Variants in RRAGC observed in about 807,000 individuals in gnomAD.
RRAGC encodes Ras related GTP binding C.
Under a neutral mutation model 37.1 loss-of-function variants are expected in RRAGC, and 8 were observed. The ratio of observed to expected loss-of-function variants is 0.22; its 90% confidence interval spans 0.13 to 0.39. The LOEUF (loss-of-function observed/expected upper bound fraction) is 0.39. Ranked by LOEUF, RRAGC falls within the 10% of genes least tolerant of loss-of-function variation. RRAGC has a pLI of 1.00. For synonymous variants in RRAGC, 190 were observed against 181.1 expected, an observed-to-expected ratio of 1.05 and a Z score of -0.39; for missense variants, 342 against 497.6, an observed-to-expected ratio of 0.69 and a Z score of 2.98.
intron 6 of RRAGC, among the ~76,000 whole-genome samples, chr1:38,843,405 T>G (rs1014189529): frequency 1.3e-5 from 2 of 152,080 alleles, no homozygotes; most frequent in Non-Finnish European, 2.9e-5. Context: ...ACCCAAAAAT[T>G]TGTGTATATC....
At chr1:38,842,788 G>A (rs1421309004) in intron 6 of RRAGC, among the ~76,000 whole-genome samples, 1 of 152,060 alleles carries the variant, frequency 6.6e-6, no homozygotes, top group African/African-American at 2.4e-5. Context: ...AATAAAATGT[G>A]GTATAGTCAA....
chr1:38,842,845 G>A (rs1169828963), intron 6 of RRAGC, among the ~76,000 whole-genome samples: 4 of 152,284 alleles, frequency 2.6e-5, no homozygotes, highest in South Asian at 4.1e-4. Context: ...CTAGAACTAC[G>A]TGTCATCAAT....
At chr1:38,853,546 G>C (rs549698928) in intron 3 of RRAGC, among the ~76,000 whole-genome samples, 5 of 152,292 alleles carry the variant, frequency 3.3e-5, no homozygotes, top group African/African-American at 9.6e-5. Flanking sequence ...GGGAGTTCGA[G>C]ATCAGCCGGA....
rs1216874828 is a variant in RRAGC, at chr1:38,845,929, A to T, written c.1048+10T>A. 2.5e-6 allele frequency: 4 copies of T among 1,583,428 alleles called. No homozygotes were observed. In the African/African-American group the frequency reaches 5.5e-5, roughly 22 times the overall value. On this transcript the variant is annotated intron_variant, in intron 6 of 6. Transcript: ENST00000373001. ...ATTAACATAAAAACAGCTTTTTAAAATGCTATTACCTTTTCTTTCAAAGCT... is the reference window on the plus strand; with the variant it reads ...ATTAACATAAAAACAGCTTTTTAAATTGCTATTACCTTTTCTTTCAAAGCT...
chr1:38,852,417 G>T lies in RRAGC; in HGVS notation c.713C>A (p.Pro238Gln). 6.2e-7 allele frequency: 1 copy of T among 1,609,332 alleles called. No individual in the cohort carries two copies. The highest frequency in any genetic ancestry group is 8.5e-7 in the Non-Finnish European group (1 of 1,176,112). ...AFSKVVQKLI[P>Q]QLPTLENLLN... ...TAGGTTTTCCAAGGTCGGCAGTTGT[G>T]GAATGAGTTTCTGCACCACCTTACT... Residue 238 changes from proline (P) to glutamine (Q), a missense_variant, in exon 4 of 7, where the codon CCA becomes CAA. Around this residue, in one of 3 missense-constraint regions of RRAGC, gnomAD observed 134 missense variants for 277.2 expected, o/e 0.48. Transcript: ENST00000373001.
chr1:38,844,208 A>T (rs755112852), intron 6 of RRAGC, among the ~76,000 whole-genome samples: 20 of 152,168 alleles, frequency 1.3e-4, no homozygotes, highest in Non-Finnish European at 2.8e-4. Context: ...GAGAGTCACA[A>T]AACAGGGGAA....
intron 4 of RRAGC, 51 bp downstream of exon 4, chr1:38,852,323 C>T: frequency 2.0e-6 from 2 of 1,016,510 alleles, no homozygotes; most frequent in Non-Finnish European, 3.1e-6. Flanking sequence ...AATATATTCC[C>T]AAAAATGGAA....
chr1:38,856,648 C>T (rs1642170710), intron 2 of RRAGC: 3 of 394,372 alleles, frequency 7.6e-6, no homozygotes, highest in Admixed American at 8.4e-5. Flanking sequence ...GTTAGCTGCT[C>T]ATCAACTAGG....
Position 38,851,656 on chromosome 1 carries a change from A to G in RRAGC, c.858T>C (p.Cys286=). Residue 286 remains cysteine, a synonymous_variant, in exon 5 of 7, where the codon TGT becomes TGC. Coordinates refer to ENST00000373001, the MANE Select transcript of RRAGC (RefSeq NM_022157.4). ...CATCAATTACAACATCGATCATGTCACAGCAAAGTTCATAAGATTGCATAT... is the reference window on the plus strand; with the variant it reads ...CATCAATTACAACATCGATCATGTCGCAGCAAAGTTCATAAGATTGCATAT... ...PVDMQSYELC[C]DMIDVVIDVS... 6.3e-7 allele frequency: 1 copy of G among 1,579,582 alleles called. No individual in the cohort carries two copies. Among genetic ancestry groups the G allele is most frequent in the Non-Finnish European group, 8.6e-7 (1 of 1,168,742 alleles).
intron 6 of RRAGC, among the ~76,000 whole-genome samples, chr1:38,842,670 T>A (rs1641978959): frequency 6.6e-6 from 1 of 152,216 alleles, no homozygotes; most frequent in African/African-American, 2.4e-5. Flanking sequence ...CCTAAAGGCA[T>A]ACCCTAGAGA....
rs1405185454 is a variant in RRAGC, at chr1:38,859,637, G to T, written c.10C>A (p.Gln4Lys). Residue 4 changes from glutamine (Q) to lysine (K), a missense_variant, in exon 1 of 7, where the codon CAG becomes AAG. This residue lies in a region of RRAGC where 104 missense variants were observed against 93.4 expected (regional missense o/e 1.11). Coordinates refer to ENST00000373001, the MANE Select transcript of RRAGC (RefSeq NM_022157.4). Reference protein sequence around the residue: MSLQYGAEETPLAG... With the variant: MSLKYGAEETPLAG... ...AGGGGCGTCTCCTCCGCCCCGTACT[G>T]CAGGGACATGGTGCTGGAGCCGCCG... The T allele has an allele frequency of 1.3e-6, 2 of 1,557,710 alleles. No individual in the cohort carries two copies. Among genetic ancestry groups the T allele is most frequent in the Admixed American group, 1.9e-5 (1 of 51,438 alleles).
chr1:38,859,616 G>A lies in RRAGC; in HGVS notation c.31C>T (p.Pro11Ser). Residue 11 changes from proline to serine, a missense_variant, in exon 1 of 7, where the codon CCC (proline) becomes TCC (serine). Coordinates refer to ENST00000373001, the MANE Select transcript of RRAGC (RefSeq NM_022157.4). ...GCCGCGCCGTAACTGCCGGCGAGGG[G>A]CGTCTCCTCCGCCCCGTACTGCAGG... The part of the protein sequence containing the change: MSLQYGAEET[P>S]LAGSYGAADS... The A allele has an allele frequency of 6.4e-7, 1 of 1,563,278 alleles. No homozygotes were observed. Among genetic ancestry groups the A allele is most frequent in the Non-Finnish European group, 8.7e-7 (1 of 1,155,340 alleles).
intron 5 of RRAGC, among the ~76,000 whole-genome samples, chr1:38,850,431 G>A (rs1642085633): frequency 6.6e-6 from 1 of 151,876 alleles, no homozygotes; most frequent in African/African-American, 2.4e-5. Flanking sequence ...GGAAAGTGGC[G>A]TGAACCTGGG....
intron 6 of RRAGC, among the ~76,000 whole-genome samples, chr1:38,841,426 G>A (rs942574295): frequency 6.6e-6 from 1 of 151,370 alleles, no homozygotes; most frequent in African/African-American, 2.4e-5. Context: ...GAGTGCAGTG[G>A]TACAATCATA....
intron 4 of RRAGC, among the ~76,000 whole-genome samples, chr1:38,852,077 T>C (rs2124227960): frequency 6.6e-6 from 1 of 152,374 alleles, no homozygotes; most frequent in Middle Eastern, 3.4e-3. Flanking sequence ...ACATTTTCAA[T>C]AATCCTCTTA....
At chr1:38,854,972 T>C (rs1358295895) in intron 3 of RRAGC, among the ~76,000 whole-genome samples, 3 of 152,244 alleles carry the variant, frequency 2.0e-5, no homozygotes, top group South Asian at 2.1e-4. Context: ...TAAAATAAGA[T>C]GTACAAAAAT....
At chr1:38,852,034 T>G (rs1023339643) in intron 4 of RRAGC, among the ~76,000 whole-genome samples, 1 of 152,190 alleles carries the variant, frequency 6.6e-6, no homozygotes, top group African/African-American at 2.4e-5. Context: ...TCACAAAAAA[T>G]TTAACAAAAA....
chr1:38,855,034 G>C (rs1196000264), intron 3 of RRAGC, among the ~76,000 whole-genome samples: 1 of 152,022 alleles, frequency 6.6e-6, no homozygotes, highest in Non-Finnish European at 1.5e-5. Context: ...CTATCAAGTA[G>C]GTATTATTTA....
rs548319157 is a variant in RRAGC, at chr1:38,852,269, G to A, written c.756+105C>T. The A allele has an allele frequency of 8.3e-6, 6 of 726,994 alleles. No individual in the cohort carries two copies. The East Asian group carries it at 1.0e-4, about 12-fold the overall frequency. 45.0% of individuals were successfully genotyped at this position (726,994 alleles called of 1,614,324 possible). Reference sequence around the variant, plus strand: ...AAGTGGGTCACTAGTCTTTGTACTTGATACAGATTAATTCAAGACTTTTTT... The same window carrying A: ...AAGTGGGTCACTAGTCTTTGTACTTAATACAGATTAATTCAAGACTTTTTT... On this transcript the variant is annotated intron_variant, in intron 4 of 6. Coordinates refer to ENST00000373001, the MANE Select transcript of RRAGC (RefSeq NM_022157.4).
Sources: gnomAD v4.1 joint callset for allele counts (sites outside exome capture counted in the v4.1 genomes callset) on GRCh38, gnomAD v4.1.1 for gene constraint, gnomAD v4.1.1 regional missense constraint, MANE v1.5 for transcripts, NCBI Gene and HGNC (gene_info 2026-07-23, HGNC 2026-07-21) for gene names.